KCNK10: variants seen among roughly 807,000 people sequenced by gnomAD.
The protein encoded by KCNK10 is potassium two pore domain channel subfamily K member 10.
A neutral mutation model predicts 47.7 loss-of-function variants in KCNK10; 25 were observed. The observed-to-expected ratio is 0.52, with a 90% CI of 0.38 to 0.73. KCNK10 has a LOEUF of 0.73. KCNK10 is among the 30% of genes least tolerant of loss of function. The probability of loss-of-function intolerance (pLI) is 0.00; values close to 1 mark genes in which losing one functional copy is unlikely to be tolerated. For missense variants in KCNK10, 563 were observed against 714.5 expected (o/e 0.79, Z 2.42); for synonymous variants, 303 against 285.6 (o/e 1.06, Z -0.61).
chr14:88,324,048 C>T (rs1419732181), upstream of KCNK10, among the ~76,000 whole-genome samples: 2 of 152,220 alleles, frequency 1.3e-5, no homozygotes, highest in Non-Finnish European at 2.9e-5. Context: ...CGGACTGGGG[C>T]CGCTGGTCGT....
intron 1 of KCNK10, among the ~76,000 whole-genome samples, chr14:88,314,307 GA>G (rs1431274199): frequency 6.6e-6 from 1 of 152,104 alleles, no homozygotes; most frequent in Non-Finnish European, 1.5e-5. Flanking sequence ...ACCGTGTAAG[GA>G]CACAGCAAGA....
chr14:88,231,681 T>G (rs914936694), intron 3 of KCNK10, among the ~76,000 whole-genome samples: 1 of 152,196 alleles, frequency 6.6e-6, no homozygotes, highest in Non-Finnish European at 1.5e-5. Flanking sequence ...GTTGAATTAG[T>G]TACTGAGAAA....
At chr14:88,240,861 T>C (rs746556601) in intron 2 of KCNK10, 41 bp from the exon 3 acceptor site, 26 of 1,300,428 alleles carry the variant, frequency 2.0e-5, no homozygotes, top group Non-Finnish European at 2.5e-5. Flanking sequence ...AGTTTAAAAG[T>C]TGTTTATTTT....
At chr14:88,292,097 A>T (rs1475471466) in intron 1 of KCNK10, among the ~76,000 whole-genome samples, 1 of 152,190 alleles carries the variant, frequency 6.6e-6, no homozygotes, top group Non-Finnish European at 1.5e-5. Context: ...TGCAAGACAG[A>T]GACTATTTCA....
chr14:88,277,224 A>C (rs1360935317), intron 1 of KCNK10, among the ~76,000 whole-genome samples: 1 of 151,614 alleles, frequency 6.6e-6, no homozygotes, highest in Admixed American at 6.5e-5. Flanking sequence ...AAAAAAAAAA[A>C]ACATTTGGAT....
chr14:88,309,061 C>T (rs1888259493), intron 1 of KCNK10, among the ~76,000 whole-genome samples: 1 of 152,158 alleles, frequency 6.6e-6, no homozygotes, highest in South Asian at 2.1e-4. Flanking sequence ...AGGGCAGAGA[C>T]TTCGTCTTGT....
At chr14:88,238,551 A>C (rs1886361191) in intron 3 of KCNK10, among the ~76,000 whole-genome samples, 1 of 152,188 alleles carries the variant, frequency 6.6e-6, no homozygotes, top group African/African-American at 2.4e-5. Context: ...GATGCACACT[A>C]GTAGTCTGAG....
In KCNK10 at chr14:88,260,762, A is replaced by C. The variant is rs1887087039; in HGVS notation, c.402+2440T>G. Among the ~76,000 whole-genome samples, 1 of 152,258 alleles carries C rather than the reference A, an allele frequency of 6.6e-6. No homozygotes were observed. Among genetic ancestry groups the C allele is most frequent in the Non-Finnish European group, 1.5e-5 (1 of 68,038 alleles). On this transcript the variant is annotated intron_variant, in intron 2 of 6. Coordinates refer to ENST00000319231, the MANE Select transcript of KCNK10 (RefSeq NM_138317.3). This position sits in a 1 kb window ranked among gnomAD's most constrained non-coding sequence, Gnocchi z 4.5. ...ATGCCCAGCTCATAACAGATGCCTAATAAAGAGCAGCTTTTTAAATTGTTA... is the reference window on the plus strand; with the variant it reads ...ATGCCCAGCTCATAACAGATGCCTACTAAAGAGCAGCTTTTTAAATTGTTA...
intron 1 of KCNK10, among the ~76,000 whole-genome samples, chr14:88,278,527 T>C (rs1566712719): frequency 6.6e-6 from 1 of 152,348 alleles, no homozygotes; most frequent in East Asian, 1.9e-4. Flanking sequence ...AAGTACCACA[T>C]GCAAGCTTGC....
chr14:88,186,074 C>G lies in KCNK10; in HGVS notation c.1093G>C (p.Val365Leu). The change falls in exon 7 of 7, where the codon GTG becomes CTG. Residue 365 changes from valine to leucine, a missense_variant. Physicochemically the swap from Val to Leu is conservative, Grantham distance 32 (BLOSUM62 1). Transcript: ENST00000319231. This position sits in a 1 kb window ranked among gnomAD's most constrained non-coding sequence, Gnocchi z 5.5. ...CGCTGCAGCTTATCGTGGATCTCCA[C>G]GCTGAGCCTTCGCCGTGTCTCCCGG... ...EFRETRRRLS[V>L]EIHDKLQRAA... 6.2e-7 allele frequency: 1 copy of G among 1,612,414 alleles called. No homozygotes were observed. Among genetic ancestry groups the G allele is most frequent in the East Asian group, 2.2e-5 (1 of 44,854 alleles).
chr14:88,287,676 TGTGTGTGTGTGTGTGTGTGTG>T (rs1887792017), intron 1 of KCNK10, among the ~76,000 whole-genome samples: 1 of 2,200 alleles, frequency 4.5e-4, no homozygotes, highest in African/African-American at 6.5e-4. Context: ...TATTCCATGG[TGTGTGTGTGTGTGTGTGTGTG>T]TGTGTGTGTG....
At chr14:88,280,738 G>A (rs765855369) in intron 1 of KCNK10, among the ~76,000 whole-genome samples, 33 of 151,866 alleles carry the variant, frequency 2.2e-4, no homozygotes, top group African/African-American at 7.3e-4. Context: ...CATTTCTACC[G>A]CCAAAATAGA....
chr14:88,263,030 G>C (rs1345468348), intron 2 of KCNK10, among the ~76,000 whole-genome samples, 172 bp downstream of exon 2: 1 of 151,950 alleles, frequency 6.6e-6, no homozygotes, highest in Non-Finnish European at 1.5e-5. Flanking sequence ...ACTGTCACAT[G>C]CCTCACTATC....
Position 88,307,327 on chromosome 14 carries a change from T to TCACACACACA in KCNK10, c.52+15410_52+15419dup, listed in dbSNP as rs112756986. On this transcript the variant is annotated intron_variant, in intron 1 of 6. Transcript: ENST00000319231. ...CATTATGTTACGTGAAAGAAGCTGA[T>TCACACACACA]CACACACACACACACACACACACAC... is the stretch of plus-strand genomic sequence containing the variant. 4.5e-3 allele frequency among the ~76,000 whole-genome samples: 664 copies of TCACACACACA among 148,950 alleles called. 5 individuals carry two copies. Among genetic ancestry groups the TCACACACACA allele is most frequent in the South Asian group, 0.013 (62 of 4,660 alleles).
At chr14:88,296,858 A>C (rs184400137) in intron 1 of KCNK10, among the ~76,000 whole-genome samples, 300 of 152,360 alleles carry the variant, frequency 2.0e-3, no homozygotes, top group Non-Finnish European at 3.5e-3. Flanking sequence ...GCATGGTACC[A>C]ATATAGTATT....
chr14:88,257,247 A>G (rs187887296), intron 2 of KCNK10, among the ~76,000 whole-genome samples: 2 of 151,912 alleles, frequency 1.3e-5, no homozygotes, highest in South Asian at 4.2e-4. Flanking sequence ...TCAGCAGCCA[A>G]TTTCCATCTT....
chr14:88,221,594 C>G (rs1279164108), intron 4 of KCNK10, among the ~76,000 whole-genome samples: 2 of 152,182 alleles, frequency 1.3e-5, no homozygotes, highest in African/African-American at 4.8e-5. Context: ...TCATTCATTG[C>G]TGGTGGAAGT....
rs1887175961 is a variant in KCNK10 at position 88,263,533 on chromosome 14, G to T, written c.71C>A (p.Ala24Glu). The T allele has an allele frequency of 1.2e-6, 2 of 1,611,592 alleles. No individual in the cohort carries two copies. Among genetic ancestry groups the T allele is most frequent in the Non-Finnish European group, 1.7e-6 (2 of 1,179,708 alleles). ...GGCGCTCTTGGGCTGGCACACCGGTGCTGCTGCGGGAACGGCCACTGAGGA... is the reference window on the plus strand; with the variant it reads ...GGCGCTCTTGGGCTGGCACACCGGTTCTGCTGCGGGAACGGCCACTGAGGA... ...WDPKVAVPAA[A>E]PVCQPKSATN... Residue 24 changes from alanine to glutamate, a missense_variant, in exon 2 of 7, where the codon GCA becomes GAA. Coordinates refer to ENST00000319231, the MANE Select transcript of KCNK10 (RefSeq NM_138317.3).
chr14:88,267,763 G>T (rs779525477), intron 1 of KCNK10, among the ~76,000 whole-genome samples: 1 of 152,154 alleles, frequency 6.6e-6, no homozygotes, highest in Non-Finnish European at 1.5e-5. Flanking sequence ...GTTGCCTTAT[G>T]ACCTGGAATC....
Sources: gnomAD v4.1 joint callset for allele counts (sites outside exome capture counted in the v4.1 genomes callset) on GRCh38, gnomAD v4.1.1 for gene constraint, Gnocchi (gnomAD v3.1) non-coding constraint, MANE v1.5 for transcripts, NCBI Gene and HGNC (gene_info 2026-07-23, HGNC 2026-07-21) for gene names.